The following FAM200B variants were observed in gnomAD, a reference collection of about 807,000 sequenced individuals.
FAM200B encodes the protein zinc finger BED-type containing 11.
FAM200B carries 32 observed loss-of-function variants against 33.1 expected under a neutral mutation model. The ratio of observed to expected loss-of-function variants is 0.97; its 90% CI spans 0.73 to 1.30. The LOEUF is 1.30. Ranked by LOEUF, FAM200B falls within the 50% of genes most tolerant of loss-of-function variation. The pLI is 0.00. For synonymous variants in FAM200B, 240 were observed against 264.8 expected, an observed-to-expected ratio of 0.91 and a Z score of 0.91; for missense variants, 741 against 754.0, an observed-to-expected ratio of 0.98 and a Z score of 0.20.
chr4:15,669,849 A>G, the FAM200B span, among the ~76,000 whole-genome samples: 2 of 152,210 alleles, frequency 1.3e-5, no homozygotes, highest in Admixed American at 6.5e-5. Flanking sequence ...TTTATGAACT[A>G]TATTTATAAT....
At chr4:15,649,439 C>T in the FAM200B span, among the ~76,000 whole-genome samples, 3 of 151,900 alleles carry the variant, frequency 2.0e-5, no homozygotes, top group East Asian at 1.9e-4. Context: ...ATTAGTTGGG[C>T]GTGGTTAGCA....
At chr4:15,682,521 C>G (rs922030960) in intron 1 of FAM200B, among the ~76,000 whole-genome samples, 2 of 152,208 alleles carry the variant, frequency 1.3e-5, no homozygotes, top group Admixed American at 1.3e-4. Flanking sequence ...CTCCTAACCA[C>G]CTTTATGCAA....
the FAM200B span, among the ~76,000 whole-genome samples, chr4:15,654,046 G>A: frequency 6.6e-6 from 1 of 152,234 alleles, no homozygotes; most frequent in Non-Finnish European, 1.5e-5. Context: ...GGAGTGCTAA[G>A]ATTTGAAATT....
chr4:15,680,569 C>T (rs1353862970), upstream of FAM200B, among the ~76,000 whole-genome samples: 1 of 151,890 alleles, frequency 6.6e-6, no homozygotes, highest in Non-Finnish European at 1.5e-5. Context: ...CCCAGCTACT[C>T]GGGAGGTTGT....
the FAM200B span, chr4:15,655,084 T>G: frequency 1.4e-6 from 1 of 716,712 alleles, no homozygotes; most frequent in Non-Finnish European, 1.9e-6. Context: ...CGCAGGCGGC[T>G]ACTCGCGCGG....
Position 15,687,465 on chromosome 4 carries a change from C to G in FAM200B, c.488C>G (p.Ala163Gly). Residue 163 changes from alanine to glycine, a missense_variant, in exon 2 of 2, where the codon GCT becomes GGT. Physicochemically the swap from Ala to Gly is moderately conservative, Grantham distance 60. Transcript: ENST00000422728. Reference sequence around the variant, plus strand: ...TATCGTGTGGCAAAAGAGAAAATAGCTAACACAGCTGCTGAAAAAATTATT... The same window carrying G: ...TATCGTGTGGCAAAAGAGAAAATAGGTAACACAGCTGCTGAAAAAATTATT... Reference protein sequence around the residue: ...VAYRVAKEKIANTAAEKIILP... With the variant: ...VAYRVAKEKIGNTAAEKIILP... The G allele has an allele frequency of 6.4e-7, 1 of 1,550,972 alleles. No individual in the cohort carries two copies. Among genetic ancestry groups the G allele is most frequent in the Non-Finnish European group, 8.7e-7 (1 of 1,146,716 alleles).
In FAM200B at chr4:15,687,302, A is replaced by G; in HGVS notation, c.325A>G (p.Thr109Ala). 2 of 1,546,458 alleles carry G rather than the reference A, an allele frequency of 1.3e-6. No homozygotes were observed. The highest frequency in any genetic ancestry group is 1.7e-6 in the Non-Finnish European group (2 of 1,143,924). The change falls in exon 2 of 2, where the codon ACT (threonine) becomes GCT (alanine). Residue 109 changes from threonine (T) to alanine (A), a missense_variant. Thr to Ala is a moderately conservative substitution (Grantham distance 58, BLOSUM62 0). Coordinates refer to ENST00000422728, the MANE Select transcript of FAM200B (RefSeq NM_001145191.2). Reference sequence around the variant, plus strand: ...TTCGAAATTAAAAAGGCACTTAGAAACTCAGCATGCTGAACTTATTGATAA... The same window carrying G: ...TTCGAAATTAAAAAGGCACTTAGAAGCTCAGCATGCTGAACTTATTGATAA... ...KPSKLKRHLE[T>A]QHAELIDKPL...
At chr4:15,684,149 A>G (rs1263435898) in intron 1 of FAM200B, among the ~76,000 whole-genome samples, 3 of 152,234 alleles carry the variant, frequency 2.0e-5, no homozygotes, top group Admixed American at 2.0e-4. Context: ...CATCTTAAGC[A>G]TCAGTGTACA....
At chr4:15,665,067 TC>T in the FAM200B span, among the ~76,000 whole-genome samples, 1 of 152,128 alleles carries the variant, frequency 6.6e-6, no homozygotes, top group East Asian at 1.9e-4. Context: ...ATAAATTCAC[TC>T]CCACTACAGC....
Position 15,689,182 on chromosome 4 carries a change from T to C in FAM200B, c.*231T>C, listed in dbSNP as rs1284931860. The C allele has an allele frequency of 8.2e-6, 3 of 364,464 alleles. No homozygotes were observed. The allele number at this position is 364,464 out of a possible 1,614,324, so 22.6% of individuals were successfully genotyped here. A position where few individuals can be genotyped will look rare whatever the true frequency, so the allele number is the denominator to read the frequency against. On this transcript the variant is annotated 3_prime_UTR_variant, in exon 2 of 2. Transcript: ENST00000422728. ...ATACAAAAGTGAACAAAACAGGTAA[T>C]TCCCTAGTAGAGTTTATATCCTGGC...
At chr4:15,649,594 A>AAAG in the FAM200B span, among the ~76,000 whole-genome samples, 1 of 150,650 alleles carries the variant, frequency 6.6e-6, no homozygotes, top group African/African-American at 2.5e-5. Flanking sequence ...AAAAAAAAAA[A>AAAG]AAAGAAAGAA....
At chr4:15,674,330 A>G in the FAM200B span, among the ~76,000 whole-genome samples, 12 of 152,142 alleles carry the variant, frequency 7.9e-5, no homozygotes, top group Middle Eastern at 3.4e-3. Context: ...TTAATTCTTA[A>G]CCCATAAAAA....
the FAM200B span, among the ~76,000 whole-genome samples, chr4:15,646,963 C>G: frequency 1.3e-5 from 2 of 151,964 alleles, no homozygotes; most frequent in African/African-American, 4.8e-5. Context: ...TGGCTCACAC[C>G]TGTAATCCCA....
the FAM200B span, among the ~76,000 whole-genome samples, chr4:15,655,038 C>A: frequency 7.1e-4 from 107 of 151,016 alleles, no homozygotes; most frequent in African/African-American, 2.4e-3. Flanking sequence ...TCGCAGCGGG[C>A]GGGCAGGCTG....
At chr4:15,652,435 A>C in the FAM200B span, among the ~76,000 whole-genome samples, 1 of 152,196 alleles carries the variant, frequency 6.6e-6, no homozygotes, top group African/African-American at 2.4e-5. Context: ...TTGTCTTTAC[A>C]TAACTCAAAG....
chr4:15,651,903 G>A, the FAM200B span, among the ~76,000 whole-genome samples: 2 of 152,112 alleles, frequency 1.3e-5, no homozygotes, highest in African/African-American at 4.8e-5. Context: ...TCAATTCAAA[G>A]AGACCACTCC....
upstream of FAM200B, among the ~76,000 whole-genome samples, chr4:15,680,818 T>C (rs550601064): frequency 1.9e-3 from 292 of 151,680 alleles, 1 homozygote; most frequent in African/African-American, 6.6e-3. Flanking sequence ...CAAGCTCCTG[T>C]ATCTAACATG....
the FAM200B span, among the ~76,000 whole-genome samples, chr4:15,649,507 G>C: frequency 2.0e-5 from 3 of 150,134 alleles, no homozygotes; most frequent in Non-Finnish European, 4.4e-5. Context: ...TTGAACCCGG[G>C]AGGCAGAGGT....
chr4:15,650,827 T>G, the FAM200B span, among the ~76,000 whole-genome samples: 1 of 151,932 alleles, frequency 6.6e-6, no homozygotes, highest in Non-Finnish European at 1.5e-5. Context: ...GAGATGAGGT[T>G]TCACCATCTT....
Sources: allele counts gnomAD v4.1 joint callset (sites outside exome capture counted in the v4.1 genomes callset), GRCh38; gene constraint gnomAD v4.1.1; transcripts MANE v1.5; gene names NCBI Gene and HGNC (gene_info 2026-07-23, HGNC 2026-07-21).